LSAMP: variants seen among roughly 807,000 people sequenced by gnomAD.
LSAMP encodes the protein limbic system associated membrane protein.
A neutral mutation model predicts 38.6 loss-of-function variants in LSAMP; 7 were observed. The observed-to-expected ratio is 0.18, with a 90% CI of 0.10 to 0.34. LSAMP has a LOEUF of 0.34. LSAMP is among the 10% of genes least tolerant of loss of function. The pLI, the probability that LSAMP is intolerant of heterozygous loss-of-function variation, is 1.00. For synonymous variants in LSAMP, 154 were observed against 166.8 expected, an observed-to-expected ratio of 0.92 and a Z score of 0.59; for missense variants, 313 against 420.0, an observed-to-expected ratio of 0.75 and a Z score of 2.23.
chr3:116,089,667 A>T (rs909719228), intron 1 of LSAMP, among the ~76,000 whole-genome samples: 1 of 152,138 alleles, frequency 6.6e-6, no homozygotes, highest in Non-Finnish European at 1.5e-5. Flanking sequence ...TAGAATACAC[A>T]TACTTTTTCC....
At chr3:115,877,821 G>C (rs1024013775) in intron 3 of LSAMP, among the ~76,000 whole-genome samples, 1 of 152,118 alleles carries the variant, frequency 6.6e-6, no homozygotes, top group Non-Finnish European at 1.5e-5. Context: ...TATGCATCTG[G>C]TGCTATGATA....
intron 1 of LSAMP, among the ~76,000 whole-genome samples, chr3:116,252,906 C>A (rs2046703103): frequency 6.6e-6 from 1 of 152,166 alleles, no homozygotes; most frequent in Non-Finnish European, 1.5e-5. Context: ...GACATAAGTA[C>A]TGATCAACAA....
intron 3 of LSAMP, among the ~76,000 whole-genome samples, chr3:115,888,421 T>C (rs1936511539): frequency 1.3e-5 from 2 of 151,942 alleles, no homozygotes; most frequent in Admixed American, 1.3e-4. Flanking sequence ...AATTACCTCT[T>C]TAACACCTCT....
rs187358221 is a variant in LSAMP at position 116,413,626 on chromosome 3, C to G, written c.155+31251G>C. On this transcript the variant is annotated intron_variant, in intron 1 of 6. Transcript: ENST00000490035. Reference sequence around the variant, plus strand: ...TTTAAATTGAATCAGCACCAAAGTCCTGTATTTTCTCATCCACTGGTTCCT... The same window carrying G: ...TTTAAATTGAATCAGCACCAAAGTCGTGTATTTTCTCATCCACTGGTTCCT... Among the ~76,000 whole-genome samples the G allele has an allele frequency of 2.7e-3, 416 of 152,098 alleles. 1 individual carries two copies. The highest frequency in any genetic ancestry group is 9.5e-3 in the African/African-American group (395 of 41,520).
chr3:115,994,529 G>A (rs1939762572), intron 3 of LSAMP, among the ~76,000 whole-genome samples: 1 of 152,016 alleles, frequency 6.6e-6, no homozygotes, highest in South Asian at 2.1e-4. Flanking sequence ...CTTTGTAACT[G>A]ATATAGTGTG....
chr3:116,145,744 T>C (rs1017820767), intron 1 of LSAMP, among the ~76,000 whole-genome samples: 1 of 151,900 alleles, frequency 6.6e-6, no homozygotes, highest in African/African-American at 2.4e-5. Context: ...ATATTACTCA[T>C]TGAATATTTA....
At chr3:116,421,498 C>T (rs897130925) in intron 1 of LSAMP, among the ~76,000 whole-genome samples, 9 of 150,272 alleles carry the variant, frequency 6.0e-5, no homozygotes, top group East Asian at 2.0e-4. Flanking sequence ...GAACTGAGAT[C>T]GTGCCATTGC....
intron 1 of LSAMP, among the ~76,000 whole-genome samples, chr3:116,339,612 G>T (rs1223282773): frequency 1.3e-5 from 2 of 152,004 alleles, no homozygotes; most frequent in Non-Finnish European, 2.9e-5. Flanking sequence ...GTAGAGCACA[G>T]AGGAGGTGAT....
chr3:115,816,348 G>T (rs1344005569), intron 6 of LSAMP, among the ~76,000 whole-genome samples: 1 of 152,168 alleles, frequency 6.6e-6, no homozygotes, highest in African/African-American at 2.4e-5. Context: ...GGGAAAGTAG[G>T]AACAGGGAGC....
At chr3:115,813,071 AAT>A (rs1461710651) in intron 6 of LSAMP, among the ~76,000 whole-genome samples, 1 of 152,110 alleles carries the variant, frequency 6.6e-6, no homozygotes, top group Non-Finnish European at 1.5e-5. Context: ...ATCTTTTACA[AAT>A]AATTCAGAAT....
chr3:116,323,208 G>T (rs1042510599), intron 1 of LSAMP, among the ~76,000 whole-genome samples: 5 of 152,072 alleles, frequency 3.3e-5, no homozygotes, highest in Non-Finnish European at 7.4e-5. Context: ...AGATGACTTA[G>T]CTACTTTCCA....
chr3:116,200,479 T>C (rs1364872381), intron 1 of LSAMP, among the ~76,000 whole-genome samples: 1 of 152,222 alleles, frequency 6.6e-6, no homozygotes, highest in Non-Finnish European at 1.5e-5. Flanking sequence ...TCATTTACTG[T>C]GCAATTCAGT....
chr3:116,090,222 AAAAG>A (rs981419096), intron 1 of LSAMP, among the ~76,000 whole-genome samples: 2 of 152,090 alleles, frequency 1.3e-5, no homozygotes, highest in South Asian at 2.1e-4. Flanking sequence ...AAAAAAAAAA[AAAAG>A]AAAGAGAAAG....
intron 3 of LSAMP, among the ~76,000 whole-genome samples, chr3:115,958,076 A>G (rs1576256111): frequency 1.3e-5 from 2 of 152,326 alleles, no homozygotes; most frequent in South Asian, 4.1e-4. Context: ...CTTACATTAA[A>G]AAAATCTATT....
chr3:116,176,919 T>C (rs976568067), intron 1 of LSAMP, among the ~76,000 whole-genome samples: 6 of 151,530 alleles, frequency 4.0e-5, no homozygotes, highest in African/African-American at 1.4e-4. Context: ...TCTATATCTT[T>C]CTATTTATCT....
chr3:116,162,988 C>T lies in LSAMP; in HGVS notation c.156-76432G>A, dbSNP rs185149371. Among the ~76,000 whole-genome samples, 6 of 152,022 alleles carry T rather than the reference C, an allele frequency of 3.9e-5. No individual in the cohort carries two copies. The East Asian group carries it at 1.2e-3, about 29-fold the overall frequency. On this transcript the variant is annotated intron_variant, in intron 1 of 6. Transcript: ENST00000490035. The stretch of plus-strand genomic sequence containing the variant: ...ATCCCTGGACCTGTTGCTTACTGTC[C>T]TCACTAGGAACACTAGAAAGAGCTT...
intron 3 of LSAMP, among the ~76,000 whole-genome samples, chr3:115,959,529 T>G (rs1047979028): frequency 1.3e-5 from 2 of 152,258 alleles, no homozygotes; most frequent in Admixed American, 6.5e-5. Context: ...AAATGGTTGC[T>G]TTTATACAAT....
intron 1 of LSAMP, among the ~76,000 whole-genome samples, chr3:116,207,403 C>T (rs1359328196): frequency 2.6e-5 from 4 of 151,524 alleles, no homozygotes; most frequent in Non-Finnish European, 4.4e-5. Flanking sequence ...AGTCCATTTA[C>T]ATTTAAAGTT....
intron 3 of LSAMP, among the ~76,000 whole-genome samples, chr3:115,984,337 A>C (rs1171043632): frequency 6.6e-6 from 1 of 152,186 alleles, no homozygotes; most frequent in Non-Finnish European, 1.5e-5. Flanking sequence ...TCCTTCAAAG[A>C]GTTAGATATA....
Sources: gnomAD v4.1 joint callset for allele counts (sites outside exome capture counted in the v4.1 genomes callset) on GRCh38, gnomAD v4.1.1 for gene constraint, MANE v1.5 for transcripts, NCBI Gene and HGNC (gene_info 2026-07-23, HGNC 2026-07-21) for gene names.